Variants in MAN2B1 observed in about 807,000 individuals in gnomAD.
The protein encoded by MAN2B1 is mannosidase alpha class 2B member 1, also known as lysosomal alpha-mannosidase.
Under a neutral mutation model 127.5 loss-of-function variants are expected in MAN2B1, and 99 were observed. The observed-to-expected ratio is 0.78, with a 90% CI of 0.66 to 0.92. The LOEUF (loss-of-function observed/expected upper bound fraction) is 0.92. MAN2B1 is among the 40% of genes least tolerant of loss of function. The pLI, the probability that MAN2B1 is intolerant of heterozygous loss-of-function variation, is 0.00. For missense variants in MAN2B1, 1,304 were observed against 1,384.8 expected (o/e 0.94, Z 0.93); for synonymous variants, 573 against 568.8 (o/e 1.01, Z -0.11).
At chr19:12,665,643 A>C in intron 2 of MAN2B1, 60 bp downstream of exon 2, 1 of 1,585,420 alleles carries the variant, frequency 6.3e-7, no homozygotes, top group Non-Finnish European at 8.7e-7. Flanking sequence ...AATGTCCAGG[A>C]CCCAGAGGGA....
intron 1 of MAN2B1, 81 bp downstream of exon 1, chr19:12,666,462 G>A (rs2024244549): frequency 6.7e-7 from 1 of 1,496,264 alleles, no homozygotes; most frequent in Admixed American, 2.0e-5. Context: ...ACACCCACAG[G>A]ACAGACCCAC....
At chr19:12,665,110 C>A in intron 3 of MAN2B1, 125 bp from the exon 4 acceptor site, 1 of 1,088,648 alleles carries the variant, frequency 9.2e-7, no homozygotes, top group South Asian at 1.3e-5. Flanking sequence ...AGAGGGGTCG[C>A]TCCCAGGCCA....
chr19:12,656,670 A>C lies in MAN2B1; in HGVS notation c.1545T>G (p.Tyr515Ter). 1 of 1,613,516 alleles carries C rather than the reference A, an allele frequency of 6.2e-7. No homozygotes were observed. The highest frequency in any genetic ancestry group is 1.1e-5 in the South Asian group (1 of 91,078). Residue 515 changes from tyrosine to a stop codon, truncating the protein, a stop_gained, in exon 13 of 24, where the codon TAT becomes TAG. Transcript: ENST00000456935. LOFTEE classifies it high-confidence loss of function. ...QTAARFQVIV[Y>*]NPLGRKVNWM... ...AATTCACCTTCCGCCCCAGGGGATT[A>C]TAAACGATGACCTGGAACTGGGGAG... is the stretch of plus-strand genomic sequence containing the variant.
chr19:12,647,174 C>G lies in MAN2B1; in HGVS notation c.2923+59G>C. The G allele has an allele frequency of 6.7e-7, 1 of 1,482,730 alleles. No individual in the cohort carries two copies. Among genetic ancestry groups the G allele is most frequent in the Non-Finnish European group, 9.4e-7 (1 of 1,060,956 alleles). 91.8% of individuals were successfully genotyped at this position (1,482,730 alleles called of 1,614,324 possible). A position where few individuals can be genotyped will look rare whatever the true frequency, so the allele number is the denominator to read the frequency against. On this transcript the variant is annotated intron_variant, in intron 23 of 23. Transcript: ENST00000456935. The surrounding 1 kb of genome is among the most constrained non-coding windows in gnomAD (Gnocchi z 4.9). Reference sequence around the variant, plus strand: ...AACATCCCATGCCTCACACATTGCCCCCACCTGCCGGCCCCAGGTAAGACT... The same window carrying G: ...AACATCCCATGCCTCACACATTGCCGCCACCTGCCGGCCCCAGGTAAGACT...
At chr19:12,656,406 AG>A (rs932408989) in intron 13 of MAN2B1, 164 bp downstream of exon 13, 26 of 627,606 alleles carry the variant, frequency 4.1e-5, no homozygotes, top group Non-Finnish European at 6.6e-5. Flanking sequence ...TATGTTCCCA[AG>A]GGGAGACTGA....
intron 6 of MAN2B1, among the ~76,000 whole-genome samples, 181 bp downstream of exon 6, chr19:12,663,136 C>T (rs566591249): frequency 6.6e-6 from 1 of 151,876 alleles, no homozygotes; most frequent in Admixed American, 6.6e-5. Flanking sequence ...CTTGTTTGAA[C>T]CCAGGAGGCA....
At chr19:12,665,232 A>C in intron 3 of MAN2B1, 120 bp downstream of exon 3, 1 of 1,286,668 alleles carries the variant, frequency 7.8e-7, no homozygotes, top group Non-Finnish European at 1.1e-6. Context: ...GAGTCCAGGC[A>C]GGCGGAGCGA....
intron 20 of MAN2B1, 127 bp from the exon 21 acceptor site, chr19:12,648,529 A>G: frequency 1.4e-6 from 1 of 733,754 alleles, no homozygotes; most frequent in Non-Finnish European, 2.3e-6. Context: ...GATGAGGATG[A>G]AGGTGAGGGT....
intron 4 of MAN2B1, among the ~76,000 whole-genome samples, chr19:12,664,095 G>A (rs1202777625): frequency 6.6e-6 from 1 of 152,156 alleles, no homozygotes; most frequent in African/African-American, 2.4e-5. Context: ...GCGTAGTGGT[G>A]CGCTCTTGTA....
At chr19:12,649,293 G>C in intron 19 of MAN2B1, 48 bp downstream of exon 19, 1 of 1,596,590 alleles carries the variant, frequency 6.3e-7, no homozygotes, top group Non-Finnish European at 8.6e-7. Context: ...GATAAGGGGT[G>C]ATTCCCTTTC....
chr19:12,661,097 A>AC (rs2024091457), intron 7 of MAN2B1, 163 bp downstream of exon 7: 2 of 650,430 alleles, frequency 3.1e-6, no homozygotes, highest in Non-Finnish European at 5.7e-6. Context: ...AAGACAATGT[A>AC]TTTCTGTTGT....
At chr19:12,652,559 TCTCA>T in intron 14 of MAN2B1, 99 bp from the exon 15 acceptor site, 1 of 804,750 alleles carries the variant, frequency 1.2e-6, no homozygotes, top group Non-Finnish European at 2.0e-6. Context: ...TGAGACTGAG[TCTCA>T]CTCTGTAGCC....
chr19:12,647,718 G>T lies in MAN2B1; in HGVS notation c.2665-120C>A, dbSNP rs370921236. On this transcript the variant is annotated intron_variant, in intron 21 of 23. Coordinates refer to ENST00000456935, the MANE Select transcript of MAN2B1 (RefSeq NM_000528.4). The surrounding 1 kb of genome is among the most constrained non-coding windows in gnomAD (Gnocchi z 4.9). Reference sequence around the variant, plus strand: ...AGGGGCGGGGTTTCGCCGGAGAGGGGCAAGGCTCAGCCGAGAGGAGCGGCC... The same window carrying T: ...AGGGGCGGGGTTTCGCCGGAGAGGGTCAAGGCTCAGCCGAGAGGAGCGGCC... 2.0e-5 allele frequency: 16 copies of T among 800,290 alleles called. No homozygotes were observed. The highest frequency in any genetic ancestry group is 1.6e-4 in the South Asian group (9 of 57,684). 49.6% of individuals were successfully genotyped at this position (800,290 alleles called of 1,614,324 possible). A position where few individuals can be genotyped will look rare whatever the true frequency, so the allele number is the denominator to read the frequency against.
chr19:12,647,533 G>C lies in MAN2B1; in HGVS notation c.2730C>G (p.Pro910=), dbSNP rs768907989. The change falls in exon 22 of 24, where the codon CCC becomes CCG. Residue 910 remains proline (P), a synonymous_variant. Coordinates refer to ENST00000456935, the MANE Select transcript of MAN2B1 (RefSeq NM_000528.4). This position sits in a 1 kb window ranked among gnomAD's most constrained non-coding sequence, Gnocchi z 4.9. The part of the protein sequence containing the change: ...VHLLTLASWG[P]EMVLLRLEHQ... ...GCTCCAAGCGCAGCAGCACCATTTC[G>C]GGGCCCCAGCTGGCCAGCGTGAGCA... 5 of 1,614,220 alleles carry C rather than the reference G, an allele frequency of 3.1e-6. No homozygotes were observed. In the South Asian group the frequency reaches 4.4e-5, roughly 14 times the overall value.
At position 12,655,675 on chromosome 19, in the gene MAN2B1, GA is replaced by G. The variant is rs1405361322; in HGVS notation, c.1830+18del. 1 of 1,604,112 alleles carries G rather than the reference GA, an allele frequency of 6.2e-7. No homozygotes were observed. Among genetic ancestry groups the G allele is most frequent in the South Asian group, 1.1e-5 (1 of 90,062 alleles). Reference sequence around the variant, plus strand: ...AATTTGTCACAGGAGCAGGAAAGGGGATTGAAATGGGGTCTCACCTCATTTT... The same window carrying G: ...AATTTGTCACAGGAGCAGGAAAGGGGTTGAAATGGGGTCTCACCTCATTTT... On this transcript the variant is annotated intron_variant, in intron 14 of 23. Transcript: ENST00000456935.
intron 6 of MAN2B1, 145 bp downstream of exon 6, chr19:12,663,172 C>G (rs1048049273): frequency 1.0e-6 from 1 of 966,466 alleles, no homozygotes; most frequent in Non-Finnish European, 1.6e-6. Context: ...CGAGATCGCA[C>G]CACTGCACTC....
chr19:12,658,626 T>C lies in MAN2B1; in HGVS notation c.1027-116A>G. 13 of 952,774 alleles carry C rather than the reference T, an allele frequency of 1.4e-5. No homozygotes were observed. The South Asian group carries it at 1.8e-4, about 13-fold the overall frequency. The allele number at this position is 952,774 out of a possible 1,614,324, so 59.0% of individuals were successfully genotyped here. On this transcript the variant is annotated intron_variant, in intron 7 of 23. Transcript: ENST00000456935. ...CATAGGTTCAGTTTCTCTAAATACATATTTGGCGTGCAAGCCAATGGTTGG... is the reference window on the plus strand; with the variant it reads ...CATAGGTTCAGTTTCTCTAAATACACATTTGGCGTGCAAGCCAATGGTTGG...
chr19:12,666,541 A>G lies in MAN2B1; in HGVS notation c.159+2T>C, dbSNP rs1057516501. On this transcript the variant is annotated splice_donor_variant, in intron 1 of 23. Coordinates refer to ENST00000456935, the MANE Select transcript of MAN2B1 (RefSeq NM_000528.4). LOFTEE classifies it high-confidence loss of function. ...ACGTTTCAGCTCGGAGGCCCCACTC[A>G]CCTCGTATCCCCCGGCCCGAGCACC... 1.9e-6 allele frequency: 3 copies of G among 1,578,532 alleles called. No individual in the cohort carries two copies. Among genetic ancestry groups the G allele is most frequent in the East Asian group, 2.3e-5 (1 of 43,260 alleles).
chr19:12,656,091 A>C, intron 13 of MAN2B1: 27 of 473,964 alleles, frequency 5.7e-5, no homozygotes, highest in East Asian at 1.6e-4. Flanking sequence ...TGGAGAGACC[A>C]TGGAGTCGGG....
Sources: gnomAD v4.1 joint callset for allele counts (sites outside exome capture counted in the v4.1 genomes callset) on GRCh38, gnomAD v4.1.1 for gene constraint, Gnocchi (gnomAD v3.1) non-coding constraint, MANE v1.5 for transcripts, NCBI Gene and HGNC (gene_info 2026-07-23, HGNC 2026-07-21) for gene names.